RABEP1: variants seen among roughly 807,000 people sequenced by gnomAD.
The protein encoded by RABEP1 is rab GTPase-binding effector protein 1.
A neutral mutation model predicts 123.4 loss-of-function variants in RABEP1; 51 were observed. The observed-to-expected ratio is 0.41, with a 90% CI of 0.33 to 0.52. The LOEUF is 0.52. Ranked by LOEUF, RABEP1 falls within the 20% of genes least tolerant of loss-of-function variation. The probability of loss-of-function intolerance (pLI) is 0.16; values close to 1 mark genes in which losing one functional copy is unlikely to be tolerated. For missense variants in RABEP1, 888 were observed against 996.3 expected (o/e 0.89, Z 1.46); for synonymous variants, 347 against 355.2 (o/e 0.98, Z 0.26).
At chr17:5,357,178 A>G (rs1336761068) in intron 8 of RABEP1, among the ~76,000 whole-genome samples, 1 of 151,576 alleles carries the variant, frequency 6.6e-6, no homozygotes, top group African/African-American at 2.4e-5. Context: ...GCCTGGCTCT[A>G]TTTGCACTTT....
intron 11 of RABEP1, among the ~76,000 whole-genome samples, chr17:5,367,911 C>A (rs370675842): frequency 6.6e-6 from 1 of 151,086 alleles, no homozygotes; most frequent in South Asian, 2.2e-4. Context: ...CCCGCCACCA[C>A]ACCCAGCTAA....
chr17:5,296,979 C>T (rs1212136356), intron 1 of RABEP1, among the ~76,000 whole-genome samples: 3 of 151,946 alleles, frequency 2.0e-5, no homozygotes, highest in African/African-American at 7.2e-5. Flanking sequence ...CTCAAATGAT[C>T]TGCCTGCCTC....
intron 2 of RABEP1, among the ~76,000 whole-genome samples, chr17:5,317,263 C>T (rs1393386803): frequency 6.6e-6 from 1 of 152,146 alleles, no homozygotes; most frequent in Non-Finnish European, 1.5e-5. Context: ...AAGTGGGATT[C>T]ATCTCAGGAA....
chr17:5,367,977 G>A (rs7211248), intron 11 of RABEP1, among the ~76,000 whole-genome samples: 2,960 of 149,668 alleles, frequency 0.02, 90 homozygotes, highest in African/African-American at 0.066. Flanking sequence ...GGCTGGTCTC[G>A]AACTCCTGAC....
chr17:5,295,147 C>G (rs150487417), intron 1 of RABEP1, among the ~76,000 whole-genome samples: 2 of 151,250 alleles, frequency 1.3e-5, no homozygotes, highest in African/African-American at 4.9e-5. Flanking sequence ...TTTGGGAGAC[C>G]GAGTCGGGCA....
intron 15 of RABEP1, among the ~76,000 whole-genome samples, chr17:5,379,306 A>C (rs1234390390): frequency 6.6e-6 from 1 of 152,178 alleles, no homozygotes; most frequent in Non-Finnish European, 1.5e-5. Flanking sequence ...GTGTCATTGC[A>C]TAGGTGCTTT....
At chr17:5,337,279 A>G (rs1907184103) in intron 4 of RABEP1, among the ~76,000 whole-genome samples, 1 of 152,208 alleles carries the variant, frequency 6.6e-6, no homozygotes, top group African/African-American at 2.4e-5. Flanking sequence ...ATAATTTTCT[A>G]ACATTTTAGA....
intron 8 of RABEP1, among the ~76,000 whole-genome samples, chr17:5,355,469 A>G (rs1431415743): frequency 6.6e-6 from 1 of 152,190 alleles, no homozygotes; most frequent in Non-Finnish European, 1.5e-5. Flanking sequence ...TTCACAGTTG[A>G]ATGGCCCTTC....
At chr17:5,373,707 C>CACACAG (rs1258191208) in intron 13 of RABEP1, among the ~76,000 whole-genome samples, 1 of 133,440 alleles carries the variant, frequency 7.5e-6, no homozygotes, top group Non-Finnish European at 1.6e-5. Flanking sequence ...CACACACACA[C>CACACAG]ACACACACAC....
intron 1 of RABEP1, 37 bp downstream of exon 1, chr17:5,282,557 C>G: frequency 8.7e-7 from 1 of 1,153,712 alleles, no homozygotes; most frequent in Non-Finnish European, 1.1e-6. Context: ...GCGGGCGCGG[C>G]CTGCCCGGCG....
intron 6 of RABEP1, among the ~76,000 whole-genome samples, chr17:5,348,724 C>A (rs905018513): frequency 9.2e-5 from 14 of 151,962 alleles, no homozygotes; most frequent in Non-Finnish European, 1.6e-4. Context: ...CCATGCCTGG[C>A]TAATTTTTTT....
In RABEP1 at chr17:5,384,752, C is replaced by T. The variant is rs1161683037; in HGVS notation, c.*1529C>T. The T allele has an allele frequency of 2.2e-5, 4 of 184,088 alleles. No homozygotes were observed. The South Asian group carries it at 9.2e-4, about 43-fold the overall frequency. 11.4% of individuals were successfully genotyped at this position (184,088 alleles called of 1,614,324 possible). On this transcript the variant is annotated 3_prime_UTR_variant, in exon 18 of 18. Transcript: ENST00000537505. ...TGGAAATAGTACTAAAGGCTTGCCG[C>T]ACATGAAACATTATTTTAATTGGTT...
Position 5,377,360 on chromosome 17 carries a change from AAAAG to A in RABEP1, c.2215+58_2215+61del, listed in dbSNP as rs1256163115. On this transcript the variant is annotated intron_variant, in intron 14 of 17. Transcript: ENST00000537505. ...TAGAGTCACTAAATAAAACTTTAGT[AAAAG>A]AAGCAATACATGGCCATGGAGTCTG... 38 of 1,421,518 alleles carry A rather than the reference AAAAG, an allele frequency of 2.7e-5. No individual in the cohort carries two copies. In the Admixed American group the frequency reaches 9.5e-4, roughly 36 times the overall value. The allele number at this position is 1,421,518 out of a possible 1,614,324, so 88.1% of individuals were successfully genotyped here.
At chr17:5,319,097 C>T (rs1006605244) in intron 2 of RABEP1, among the ~76,000 whole-genome samples, 4 of 151,770 alleles carry the variant, frequency 2.6e-5, no homozygotes, top group African/African-American at 4.8e-5. Context: ...TTTGGGAGGC[C>T]GAGGTGGGTG....
At chr17:5,305,018 G>A (rs1361182427) in intron 1 of RABEP1, among the ~76,000 whole-genome samples, 1 of 152,054 alleles carries the variant, frequency 6.6e-6, no homozygotes, top group African/African-American at 2.4e-5. Flanking sequence ...TGAACTATTA[G>A]CTAATGATAG....
chr17:5,383,473 C>G lies in RABEP1; in HGVS notation c.*250C>G, dbSNP rs1276468680. The G allele has an allele frequency of 7.0e-6, 3 of 431,508 alleles. No individual in the cohort carries two copies. Among genetic ancestry groups the G allele is most frequent in the Middle Eastern group, 6.3e-4 (1 of 1,594 alleles). The allele number at this position is 431,508 out of a possible 1,614,324, so 26.7% of individuals were successfully genotyped here. ...GGCTTGATTCCAACAGGCGTGGGATCAGATTTGGTGATGGAAAAAGCGCTG... is the reference window on the plus strand; with the variant it reads ...GGCTTGATTCCAACAGGCGTGGGATGAGATTTGGTGATGGAAAAAGCGCTG... On this transcript the variant is annotated 3_prime_UTR_variant, in exon 18 of 18. Transcript: ENST00000537505.
At chr17:5,376,541 AG>A (rs1319477534) in intron 13 of RABEP1, among the ~76,000 whole-genome samples, 2 of 152,244 alleles carry the variant, frequency 1.3e-5, no homozygotes, top group Non-Finnish European at 2.9e-5. Flanking sequence ...AAATTTAGGA[AG>A]AAAAATAAAT....
At chr17:5,295,763 A>T (rs1254846419) in intron 1 of RABEP1, among the ~76,000 whole-genome samples, 1 of 152,140 alleles carries the variant, frequency 6.6e-6, no homozygotes, top group African/African-American at 2.4e-5. Context: ...AGAGCATTCT[A>T]AATTTGGTTC....
intron 1 of RABEP1, among the ~76,000 whole-genome samples, chr17:5,295,848 T>C (rs978834696): frequency 9.9e-5 from 15 of 152,194 alleles, no homozygotes; most frequent in Non-Finnish European, 1.8e-4. Flanking sequence ...GTTTGCCACA[T>C]CATTATTTTT....
Sources: allele counts gnomAD v4.1 joint callset (sites outside exome capture counted in the v4.1 genomes callset), GRCh38; gene constraint gnomAD v4.1.1; transcripts MANE v1.5; gene names NCBI Gene and HGNC (gene_info 2026-07-23, HGNC 2026-07-21).